Variants in SLC19A1 observed in about 807,000 individuals in gnomAD.
SLC19A1 encodes solute carrier family 19 member 1.
A neutral mutation model predicts 35.3 loss-of-function variants in SLC19A1; 37 were observed. The observed-to-expected ratio is 1.05, with a 90% CI of 0.81 to 1.38. The LOEUF (loss-of-function observed/expected upper bound fraction) is 1.38, where lower values mean the gene tolerates loss of function less well. Among genes scored for constraint, SLC19A1 ranks in the 40% most tolerant of loss-of-function variants. The probability of loss-of-function intolerance (pLI) is 0.00; values close to 1 mark genes in which losing one functional copy is unlikely to be tolerated. For synonymous variants in SLC19A1, 460 were observed against 398.5 expected (o/e 1.15, Z -1.84); for missense variants, 831 against 826.9 (o/e 1.00, Z -0.06).
At chr21:45,523,365 C>T (rs763029269) in intron 5 of SLC19A1, among the ~76,000 whole-genome samples, 16 of 152,172 alleles carry the variant, frequency 1.1e-4, no homozygotes, top group Admixed American at 3.3e-4. Context: ...TTCTATGTGA[C>T]AAGAGGCAGC....
chr21:45,503,667 G>A (rs1452711665), intron 3 of SLC19A1, among the ~76,000 whole-genome samples: 70 of 150,044 alleles, frequency 4.7e-4, no homozygotes, highest in South Asian at 1.3e-3. Context: ...GGATAGCATT[G>A]GGAGATATAC....
chr21:45,526,415 T>C (rs2077621960), intron 4 of SLC19A1, among the ~76,000 whole-genome samples: 1 of 152,172 alleles, frequency 6.6e-6, no homozygotes, highest in African/African-American at 2.4e-5. Context: ...TGCCTGCTAC[T>C]GCCCAGGGCC....
At chr21:45,549,069 A>G (rs1569027476), upstream of SLC19A1, among the ~76,000 whole-genome samples, 1 of 152,238 alleles carries the variant, frequency 6.6e-6, no homozygotes, top group Admixed American at 6.5e-5. Flanking sequence ...ATGATCCCAC[A>G]AAAGCCCATG....
In SLC19A1 at chr21:45,525,874, G is replaced by A. The variant is rs777725512; in HGVS notation, c.1236C>T (p.Thr412=). The change falls in exon 5 of 6, where the codon ACC becomes ACT. Residue 412 remains threonine (T), a synonymous_variant. Coordinates refer to ENST00000311124, the MANE Select transcript of SLC19A1 (RefSeq NM_194255.4). ...VNTFFATIVK[T]IITFIVSDVR... is the part of the protein sequence containing the mutation. ...CGTCCGAGACAATGAAAGTGATGAT[G>A]GTCTTGACGATGGTGGCAAAGAACG... 6 of 1,613,654 alleles carry A rather than the reference G, an allele frequency of 3.7e-6. No homozygotes were observed. Among genetic ancestry groups the A allele is most frequent in the South Asian group, 1.1e-5 (1 of 91,086 alleles).
rs1350391337 is a variant in SLC19A1 at position 45,505,522 on chromosome 21, C to T, written c.498-6910G>A. 6 of 759,986 alleles carry T rather than the reference C, an allele frequency of 7.9e-6. No homozygotes were observed. The East Asian group carries it at 8.0e-5, about 10-fold the overall frequency. 47.1% of individuals were successfully genotyped at this position (759,986 alleles called of 1,614,324 possible). ...CCCTCAGAGACACTCTCCCACGGACCCCACAGGGAGATATACAGGAGGCCA... is the reference window on the plus strand; with the variant it reads ...CCCTCAGAGACACTCTCCCACGGACTCCACAGGGAGATATACAGGAGGCCA... On this transcript the variant is annotated intron_variant, in intron 3 of 4. Transcript: ENST00000417954.
chr21:45,511,023 ACCCCACATCCACAC>A (rs2037567108), downstream of SLC19A1: 1 of 242,338 alleles, frequency 4.1e-6, no homozygotes, highest in African/African-American at 8.1e-5. Flanking sequence ...ACACATCCAC[ACCCCACATCCACAC>A]ACCCCCCCAC....
intron 4 of SLC19A1, among the ~76,000 whole-genome samples, chr21:45,529,795 CTGTGAGTGTGTGGTGTGTCCA>C (rs765421556): frequency 0.028 from 4,069 of 147,382 alleles, 97 homozygotes; most frequent in Non-Finnish European, 0.037. Flanking sequence ...GTGTATCCAT[CTGTGAGTGTGTGGTGTGTCCA>C]TGTGAGTGTG....
chr21:45,530,886 C>A lies in SLC19A1; in HGVS notation c.1035G>T (p.Thr345=). The A allele has an allele frequency of 2.0e-6, 3 of 1,482,118 alleles. No individual in the cohort carries two copies. Among genetic ancestry groups the A allele is most frequent in the Non-Finnish European group, 2.7e-6 (3 of 1,118,086 alleles). 91.8% of individuals were successfully genotyped at this position (1,482,118 alleles called of 1,614,324 possible). ...SKLLIAGVTA[T]QAGLVFLLAH... is the part of the protein sequence containing the mutation. ...CCAGAAGGAAGACCAGCCCCGCCTG[C>A]GTGGCCGTGACGCCCGCGATGAGCA... Residue 345 remains threonine, a synonymous_variant, in exon 4 of 6, where the codon ACG becomes ACT. Coordinates refer to ENST00000311124, the MANE Select transcript of SLC19A1 (RefSeq NM_194255.4). The surrounding 1 kb of genome is among the most constrained non-coding windows in gnomAD (Gnocchi z 5.3).
chr21:45,554,853 G>A (rs867257072), intron 1 of SLC19A1, among the ~76,000 whole-genome samples: 1 of 151,878 alleles, frequency 6.6e-6, no homozygotes, highest in South Asian at 2.1e-4. Flanking sequence ...TAACTGTCCA[G>A]ATTCATTGAG....
At chr21:45,552,998 G>A (rs915323929) in intron 1 of SLC19A1, among the ~76,000 whole-genome samples, 4 of 152,004 alleles carry the variant, frequency 2.6e-5, no homozygotes, top group Non-Finnish European at 4.4e-5. Flanking sequence ...ACAAGACCTC[G>A]CGCAATGGAA....
At chr21:45,541,389 T>C (rs1462409548) in intron 1 of SLC19A1, among the ~76,000 whole-genome samples, 2 of 152,170 alleles carry the variant, frequency 1.3e-5, no homozygotes, top group Non-Finnish European at 2.9e-5. Flanking sequence ...GATCCTCGGG[T>C]CTCCGTAGGG....
Position 45,530,411 on chromosome 21 carries a change from C to T in SLC19A1, c.1151+359G>A, listed in dbSNP as rs887130110. ...GTGTGGTGTGTGTGTGGTGTGAGTG[C>T]CTGGTGTGAGTGTAAGCTGAGGATG... On this transcript the variant is annotated intron_variant, in intron 4 of 5. Transcript: ENST00000311124. The surrounding 1 kb of genome is among the most constrained non-coding windows in gnomAD (Gnocchi z 5.3). Among the ~76,000 whole-genome samples, 7 of 152,008 alleles carry T rather than the reference C, an allele frequency of 4.6e-5. No individual in the cohort carries two copies. The highest frequency in any genetic ancestry group is 1.7e-4 in the African/African-American group (7 of 41,342).
intron 3 of SLC19A1, chr21:45,507,076 G>A (rs543085322): frequency 2.1e-4 from 74 of 347,802 alleles, no homozygotes; most frequent in South Asian, 1.8e-3. Flanking sequence ...AGGGCTGGGT[G>A]CTGGGCAGGG....
intron 2 of SLC19A1, 46 bp from the exon 3 acceptor site, chr21:45,532,194 C>A (rs2077955004): frequency 6.7e-7 from 1 of 1,493,886 alleles, no homozygotes. Flanking sequence ...AGCAATGCTG[C>A]CGCTGCGGCA....
rs1236688629 is a variant in SLC19A1, at chr21:45,532,064, A to T, written c.274T>A (p.Tyr92Asn). 6.2e-7 allele frequency: 1 copy of T among 1,612,530 alleles called. No homozygotes were observed. Among genetic ancestry groups the T allele is most frequent in the South Asian group, 1.1e-5 (1 of 91,070 alleles). The change falls in exon 3 of 6, where the codon TAC becomes AAC. Residue 92 changes from tyrosine (Y) to asparagine (N), a missense_variant. Physicochemically the swap from Tyr to Asn is moderately radical, Grantham distance 143 (BLOSUM62 -2). Transcript: ENST00000311124. The stretch of plus-strand genomic sequence containing the variant: ...CCCTGCAGCAGCAGCACCGGCGTGT[A>T]GCGCAGGTAGTCGGTGAGCAGGAAC... ...PVFLLTDYLRYTPVLLLQGLS... is the reference protein window; with the variant it reads ...PVFLLTDYLRNTPVLLLQGLS...
chr21:45,550,676 A>C (rs2078456595), intron 1 of SLC19A1, among the ~76,000 whole-genome samples: 1 of 152,194 alleles, frequency 6.6e-6, no homozygotes, highest in South Asian at 2.1e-4. Flanking sequence ...TGTTGCATGC[A>C]GATTTCGTCG....
chr21:45,510,740 T>C (rs1032648466), downstream of SLC19A1, among the ~76,000 whole-genome samples: 1 of 152,028 alleles, frequency 6.6e-6, no homozygotes, highest in African/African-American at 2.4e-5. Flanking sequence ...GCACCCACAT[T>C]CCCCAGAACC....
intron 4 of SLC19A1, among the ~76,000 whole-genome samples, chr21:45,528,971 A>G (rs1330153710): frequency 2.6e-5 from 4 of 152,244 alleles, no homozygotes; most frequent in Non-Finnish European, 2.9e-5. Context: ...AAAACCTTTC[A>G]GGCGTTGTCC....
In SLC19A1 at chr21:45,540,264, C is replaced by G. The variant is rs2078261544; in HGVS notation, c.-50+2104G>C. 6.6e-6 allele frequency among the ~76,000 whole-genome samples: 1 copy of G among 152,200 alleles called. No individual in the cohort carries two copies. Among genetic ancestry groups the G allele is most frequent in the Non-Finnish European group, 1.5e-5 (1 of 68,030 alleles). On this transcript the variant is annotated intron_variant, in intron 1 of 5. Coordinates refer to ENST00000311124, the MANE Select transcript of SLC19A1 (RefSeq NM_194255.4). The surrounding 1 kb of genome is among the most constrained non-coding windows in gnomAD (Gnocchi z 5.5). ...TTTCCCACCTGTCAGCAGGTTTAGA[C>G]AGGCGCACCGATCCCCAGACAACCA...
Sources: allele counts gnomAD v4.1 joint callset (sites outside exome capture counted in the v4.1 genomes callset), GRCh38; gene constraint gnomAD v4.1.1; non-coding constraint Gnocchi (gnomAD v3.1); transcripts MANE v1.5; gene names NCBI Gene and HGNC (gene_info 2026-07-23, HGNC 2026-07-21).